The following HEATR5B variants were observed in gnomAD, a reference collection of about 807,000 sequenced individuals.
HEATR5B encodes the protein HEAT repeat-containing protein 5B.
In HEATR5B, 156 loss-of-function variants were observed where a neutral mutation model predicts 224.1. That is an observed-to-expected ratio of 0.70 (90% CI 0.61 to 0.80). The LOEUF is 0.80. Ranked by LOEUF, HEATR5B falls within the 30% of genes least tolerant of loss-of-function variation. The pLI is 0.00. For synonymous variants in HEATR5B, 1,027 were observed against 893.0 expected (o/e 1.15, Z -2.68); for missense variants, 2,323 against 2,535.5 (o/e 0.92, Z 1.80).
In HEATR5B at chr2:37,075,644, T is replaced by G. The variant is rs1275258415; in HGVS notation, c.448-10A>C. On this transcript the variant is annotated splice_polypyrimidine_tract_variant and intron_variant, in intron 4 of 35. Transcript: ENST00000233099. The stretch of plus-strand genomic sequence containing the variant: ...CACTTCGCCCTTGAGACTAGACATG[T>G]ATACAAAACAAAACTATTTTGTAAA... The G allele has an allele frequency of 6.3e-7, 1 of 1,596,292 alleles. No individual in the cohort carries two copies. The highest frequency in any genetic ancestry group is 1.4e-5 in the African/African-American group (1 of 74,048).
intron 35 of HEATR5B, among the ~76,000 whole-genome samples, chr2:36,984,228 A>G (rs1665795521): frequency 7.5e-6 from 1 of 132,558 alleles, no homozygotes. Flanking sequence ...ATATATATAT[A>G]TATATATATA....
At chr2:37,074,897 TAA>T (rs1349795350) in intron 5 of HEATR5B, among the ~76,000 whole-genome samples, 3 of 152,202 alleles carry the variant, frequency 2.0e-5, no homozygotes, top group East Asian at 1.9e-4. Flanking sequence ...TGGCTTAAAT[TAA>T]AAAGACTGTC....
At chr2:37,024,226 G>T (rs1207859836) in intron 24 of HEATR5B, among the ~76,000 whole-genome samples, 1 of 152,196 alleles carries the variant, frequency 6.6e-6, no homozygotes, top group Admixed American at 6.5e-5. Context: ...GAGTAGAATG[G>T]CGGTTACCAG....
intron 30 of HEATR5B, 58 bp downstream of exon 30, chr2:37,005,574 T>C: frequency 2.0e-6 from 3 of 1,522,266 alleles, no homozygotes; most frequent in Non-Finnish European, 2.7e-6. Flanking sequence ...TTTTTTCCAT[T>C]GTAAAGCAAT....
At chr2:37,058,827 C>T (rs1671073356) in intron 13 of HEATR5B, 61 bp downstream of exon 13, 1 of 1,021,424 alleles carries the variant, frequency 9.8e-7, no homozygotes. Context: ...CAAAATATGG[C>T]TGAGAAGTAT....
Position 37,049,863 on chromosome 2 carries a change from A to T in HEATR5B, c.2506-20T>A. On this transcript the variant is annotated intron_variant, in intron 17 of 35. Coordinates refer to ENST00000233099, the MANE Select transcript of HEATR5B (RefSeq NM_019024.3). ...TAAGCCCTACATTAAAAAAAAAAAA[A>T]AAAAAAAGACAGCAATTCATAATTC... 6.7e-7 allele frequency: 1 copy of T among 1,483,980 alleles called. No homozygotes were observed. Among genetic ancestry groups the T allele is most frequent in the Non-Finnish European group, 9.0e-7 (1 of 1,117,156 alleles). 91.9% of individuals were successfully genotyped at this position (1,483,980 alleles called of 1,614,324 possible).
At position 37,072,421 on chromosome 2, in the gene HEATR5B, C is replaced by T. The variant is rs886130107; in HGVS notation, c.598-140G>A. The T allele has an allele frequency of 2.2e-5, 13 of 578,306 alleles. No individual in the cohort carries two copies. In the African/African-American group the frequency reaches 2.4e-4, roughly 11 times the overall value. 35.8% of individuals were successfully genotyped at this position (578,306 alleles called of 1,614,324 possible). ...AAATGAAACAACAGTTTTCAAGACA[C>T]TGGACATCAGGCAATGAAGCATCTT... On this transcript the variant is annotated intron_variant, in intron 5 of 35. Transcript: ENST00000233099.
intron 2 of HEATR5B, 60 bp from the exon 3 acceptor site, chr2:37,079,391 TC>T: frequency 1.1e-6 from 1 of 887,716 alleles, no homozygotes; most frequent in Non-Finnish European, 1.7e-6. Flanking sequence ...TACCTTTTAA[TC>T]AAAATAAAAA....
At chr2:37,032,095 C>T (rs1035576411) in intron 22 of HEATR5B, among the ~76,000 whole-genome samples, 3 of 152,232 alleles carry the variant, frequency 2.0e-5, no homozygotes, top group African/African-American at 7.2e-5. Flanking sequence ...GGAAAAATTA[C>T]ATCGCAAGAG....
In HEATR5B at chr2:36,998,837, A is replaced by C. The variant is rs374721935; in HGVS notation, c.5545+1749T>G. Among the ~76,000 whole-genome samples, 42 of 152,128 alleles carry C rather than the reference A, an allele frequency of 2.8e-4. No individual in the cohort carries two copies. The East Asian group carries it at 7.9e-3, about 29-fold the overall frequency. On this transcript the variant is annotated intron_variant, in intron 33 of 35. Transcript: ENST00000233099. ...AGTTATCTTACTCTCTATATAACAC[A>C]TATATAAATATATATTTAATATAAC...
intron 26 of HEATR5B, among the ~76,000 whole-genome samples, chr2:37,016,484 G>T (rs1435299590): frequency 1.3e-5 from 2 of 152,120 alleles, no homozygotes; most frequent in Non-Finnish European, 2.9e-5. Flanking sequence ...TGGGTAAAAG[G>T]TAATAAGGTA....
intron 13 of HEATR5B, 74 bp from the exon 14 acceptor site, chr2:37,058,634 T>C: frequency 5.1e-6 from 5 of 989,652 alleles, no homozygotes; most frequent in Non-Finnish European, 7.9e-6. Flanking sequence ...TAGCAATGTA[T>C]CAATGTACTG....
intron 13 of HEATR5B, 99 bp from the exon 14 acceptor site, chr2:37,058,659 T>G: frequency 1.2e-6 from 1 of 801,178 alleles, no homozygotes; most frequent in South Asian, 1.6e-5. Context: ...ACTACACTGA[T>G]AAGTATACAC....
chr2:36,994,818 C>G (rs1666578657), intron 33 of HEATR5B, among the ~76,000 whole-genome samples: 1 of 152,180 alleles, frequency 6.6e-6, no homozygotes, highest in Admixed American at 6.5e-5. Context: ...GTGGCGCGAT[C>G]TCAGCTCACT....
At chr2:36,991,663 T>A (rs181753155) in intron 33 of HEATR5B, among the ~76,000 whole-genome samples, 99 of 152,320 alleles carry the variant, frequency 6.5e-4, no homozygotes, top group African/African-American at 2.3e-3. Context: ...AAGAACAATA[T>A]TTCTGAACAT....
intron 3 of HEATR5B, among the ~76,000 whole-genome samples, chr2:37,077,671 T>C (rs556546279): frequency 1.4e-4 from 22 of 152,346 alleles, no homozygotes; most frequent in African/African-American, 5.3e-4. Flanking sequence ...CCTCTCTTCT[T>C]TCATTATATG....
chr2:37,006,601 A>T (rs756494298), intron 29 of HEATR5B, among the ~76,000 whole-genome samples: 2 of 152,232 alleles, frequency 1.3e-5, no homozygotes, highest in African/African-American at 2.4e-5. Flanking sequence ...AGATTGCGCC[A>T]CTGCACTCCA....
At chr2:37,005,120 T>C (rs1344966349) in intron 30 of HEATR5B, among the ~76,000 whole-genome samples, 2 of 152,242 alleles carry the variant, frequency 1.3e-5, no homozygotes, top group East Asian at 3.8e-4. Flanking sequence ...CAGCCTCATC[T>C]AACAACCTCA....
intron 28 of HEATR5B, chr2:37,008,120 G>A (rs1232416712): frequency 6.1e-6 from 1 of 163,508 alleles, no homozygotes; most frequent in East Asian, 1.8e-4. Flanking sequence ...TATATAGGAA[G>A]GAGAATGGGT....
Sources: allele counts gnomAD v4.1 joint callset (sites outside exome capture counted in the v4.1 genomes callset), GRCh38; gene constraint gnomAD v4.1.1; transcripts MANE v1.5; gene names NCBI Gene and HGNC (gene_info 2026-07-23, HGNC 2026-07-21).